The following PIK3CA variants were observed in gnomAD, a reference collection of about 807,000 sequenced individuals.
PIK3CA encodes phosphatidylinositol-4,5-bisphosphate 3-kinase catalytic subunit alpha, also known as phosphatidylinositol 4,5-bisphosphate 3-kinase catalytic subunit alpha isoform.
PIK3CA carries 27 observed loss-of-function variants against 138.2 expected under a neutral mutation model. That is an observed-to-expected ratio of 0.20 (90% CI 0.14 to 0.27). The LOEUF is 0.27. Among genes scored for constraint, PIK3CA ranks in the 10% least tolerant of loss-of-function variants. PIK3CA has a pLI of 1.00. For missense variants in PIK3CA, 544 were observed against 1,277.4 expected, an observed-to-expected ratio of 0.43 and a Z score of 8.75; for synonymous variants, 358 against 413.2, an observed-to-expected ratio of 0.87 and a Z score of 1.62.
chr3:179,233,009 C>T (rs1472153748), intron 20 of PIK3CA, among the ~76,000 whole-genome samples: 1 of 152,044 alleles, frequency 6.6e-6, no homozygotes, highest in East Asian at 1.9e-4. Context: ...AGGCATGCAC[C>T]ACCATGCTCA....
chr3:179,224,297 TTCTC>T lies in PIK3CA; in HGVS notation c.2294+117_2294+120del, dbSNP rs369232497. ...AATTAGAATGTTCAATAATTTATGC[TTCTC>T]TCTCTCATTCTCCTACCCTCAAAAT... On this transcript the variant is annotated intron_variant, in intron 15 of 20. Coordinates refer to ENST00000263967, the MANE Select transcript of PIK3CA (RefSeq NM_006218.4). The T allele has an allele frequency of 5.9e-4, 339 of 578,832 alleles. 3 individuals are homozygous for T. The highest frequency in any genetic ancestry group is 5.1e-3 in the African/African-American group (274 of 53,964). The allele number at this position is 578,832 out of a possible 1,614,324, so 35.9% of individuals were successfully genotyped here.
rs2108419661 is a variant in PIK3CA at position 179,226,044 on chromosome 3, G to A, written c.2495+4G>A. 1 of 1,542,808 alleles carries A rather than the reference G, an allele frequency of 6.5e-7. No homozygotes were observed. The highest frequency in any genetic ancestry group is 9.0e-7 in the Non-Finnish European group (1 of 1,116,910). On this transcript the variant is annotated splice_donor_region_variant and intron_variant, in intron 17 of 20. Coordinates refer to ENST00000263967, the MANE Select transcript of PIK3CA (RefSeq NM_006218.4). ...AAAATCAAGGTCTTGATCTTCGGTA[G>A]GTAACCAGTAAGGCAACCTGTATGT...
intron 18 of PIK3CA, among the ~76,000 whole-genome samples, chr3:179,229,653 G>T (rs1725167899): frequency 6.6e-6 from 1 of 151,986 alleles, no homozygotes; most frequent in African/African-American, 2.4e-5. Flanking sequence ...TTCATCTTAT[G>T]TATTATCTAA....
intron 5 of PIK3CA, among the ~76,000 whole-genome samples, chr3:179,204,096 T>C (rs1313043414): frequency 6.6e-6 from 1 of 152,208 alleles, no homozygotes; most frequent in East Asian, 1.9e-4. Context: ...TTTATAATCT[T>C]TATTAACCCC....
chr3:179,198,793 T>C lies in PIK3CA; in HGVS notation c.-33T>C, dbSNP rs763784637. ...CCATACATCTAATTCCTTAAAGTAG[T>C]TTTATATGTAAAACTTGCAAAGAAT... On this transcript the variant is annotated 5_prime_UTR_variant, in exon 2 of 21. Transcript: ENST00000263967. 3 of 1,275,000 alleles carry C rather than the reference T, an allele frequency of 2.4e-6. No individual in the cohort carries two copies. The highest frequency in any genetic ancestry group is 5.1e-5 in the Admixed American group (2 of 38,836). 79.0% of individuals were successfully genotyped at this position (1,275,000 alleles called of 1,614,324 possible). A position where few individuals can be genotyped will look rare whatever the true frequency, so the allele number is the denominator to read the frequency against.
intron 8 of PIK3CA, 28 bp downstream of exon 8, chr3:179,210,366 TA>T: frequency 6.3e-7 from 1 of 1,583,798 alleles, no homozygotes; most frequent in Non-Finnish European, 8.5e-7. Context: ...ATAAATTAGA[TA>T]TTTTTTATGG....
intron 1 of PIK3CA, among the ~76,000 whole-genome samples, chr3:179,159,192 TG>T (rs1332535396): frequency 6.6e-6 from 1 of 152,222 alleles, no homozygotes; most frequent in African/African-American, 2.4e-5. Flanking sequence ...CAAGCTTTTT[TG>T]TACATGAAAA....
intron 1 of PIK3CA, among the ~76,000 whole-genome samples, chr3:179,176,322 A>G (rs912826282): frequency 6.6e-6 from 1 of 152,242 alleles, no homozygotes; most frequent in East Asian, 1.9e-4. Context: ...CTAGTCCTGA[A>G]CTTAATGGGG....
chr3:179,174,236 T>C (rs1157084361), intron 1 of PIK3CA, among the ~76,000 whole-genome samples: 1 of 151,800 alleles, frequency 6.6e-6, no homozygotes, highest in Non-Finnish European at 1.5e-5. Flanking sequence ...TTTGGGAGGC[T>C]GAGGTGGGCG....
intron 1 of PIK3CA, among the ~76,000 whole-genome samples, chr3:179,154,334 C>T (rs1376095158): frequency 6.6e-6 from 1 of 151,984 alleles, no homozygotes; most frequent in African/African-American, 2.4e-5. Flanking sequence ...GGAGCAGCAG[C>T]GGCACTAGAT....
rs1438499814 is a variant in PIK3CA, at chr3:179,235,046, A to AT, written c.*693dup. 1,312 of 172,842 alleles carry AT rather than the reference A, an allele frequency of 7.6e-3. No homozygotes were observed. Among genetic ancestry groups the AT allele is most frequent in the Middle Eastern group, 0.029 (14 of 486 alleles). The allele number at this position is 172,842 out of a possible 1,614,324, so 10.7% of individuals were successfully genotyped here. Reference sequence around the variant, plus strand: ...CAAATGAGACCTGTTATAAGGTGGTATTTTTTTTTTTCTTCTGGACAGTAT... The same window carrying AT: ...CAAATGAGACCTGTTATAAGGTGGTATTTTTTTTTTTTCTTCTGGACAGTAT... On this transcript the variant is annotated 3_prime_UTR_variant, in exon 21 of 21. Transcript: ENST00000263967.
intron 9 of PIK3CA, among the ~76,000 whole-genome samples, chr3:179,215,775 G>T (rs540917172): frequency 5.9e-5 from 9 of 152,096 alleles, no homozygotes; most frequent in Non-Finnish European, 1.2e-4. Context: ...TTTTCACCCA[G>T]AATGATGACA....
chr3:179,213,571 A>G (rs2108404375), intron 9 of PIK3CA, among the ~76,000 whole-genome samples: 1 of 152,322 alleles, frequency 6.6e-6, no homozygotes, highest in East Asian at 1.9e-4. Flanking sequence ...AGTTTGCCAC[A>G]TTGATTGACC....
At chr3:179,151,308 G>A (rs1447110240) in intron 1 of PIK3CA, among the ~76,000 whole-genome samples, 11 of 152,098 alleles carry the variant, frequency 7.2e-5, no homozygotes, top group African/African-American at 2.7e-4. Flanking sequence ...AACATTTTCC[G>A]ACTCCTTTCA....
intron 1 of PIK3CA, among the ~76,000 whole-genome samples, chr3:179,161,746 C>T (rs1429545353): frequency 6.6e-6 from 1 of 152,102 alleles, no homozygotes; most frequent in Non-Finnish European, 1.5e-5. Flanking sequence ...GGTCACAGGA[C>T]CAGATGTTTT....
At chr3:179,177,645 T>C (rs1723732249) in intron 1 of PIK3CA, among the ~76,000 whole-genome samples, 1 of 152,118 alleles carries the variant, frequency 6.6e-6, no homozygotes, top group African/African-American at 2.4e-5. Flanking sequence ...AATAACTAAT[T>C]ATAAAGTATA....
At chr3:179,226,402 T>C (rs1044670848) in intron 17 of PIK3CA, among the ~76,000 whole-genome samples, 1 of 152,098 alleles carries the variant, frequency 6.6e-6, no homozygotes, top group Non-Finnish European at 1.5e-5. Context: ...AATCCTCAAA[T>C]ATTGGAATCA....
intron 1 of PIK3CA, among the ~76,000 whole-genome samples, chr3:179,195,084 T>C (rs981903540): frequency 6.6e-6 from 1 of 151,118 alleles, no homozygotes; most frequent in Non-Finnish European, 1.5e-5. Flanking sequence ...TGTAGATAGC[T>C]ATAACATTTC....
At chr3:179,179,715 A>G (rs923421344) in intron 1 of PIK3CA, among the ~76,000 whole-genome samples, 9 of 152,204 alleles carry the variant, frequency 5.9e-5, no homozygotes, top group Non-Finnish European at 1.0e-4. Context: ...ATTCCTATCC[A>G]AATACATATT....
Sources: gnomAD v4.1 joint callset for allele counts (sites outside exome capture counted in the v4.1 genomes callset) on GRCh38, gnomAD v4.1.1 for gene constraint, MANE v1.5 for transcripts, NCBI Gene and HGNC (gene_info 2026-07-23, HGNC 2026-07-21) for gene names.